Variants in ZNF746 observed in about 807,000 individuals in gnomAD.
The protein encoded by ZNF746 is zinc finger protein 746.
Under a neutral mutation model 41.0 loss-of-function variants are expected in ZNF746, and 13 were observed. That is an observed-to-expected ratio of 0.32 (90% CI 0.21 to 0.50). ZNF746 has a LOEUF of 0.50. Among genes scored for constraint, ZNF746 ranks in the 20% least tolerant of loss-of-function variants. ZNF746 has a pLI of 0.98. For synonymous variants in ZNF746, 424 were observed against 396.2 expected (o/e 1.07, Z -0.83); for missense variants, 811 against 922.9 (o/e 0.88, Z 1.57).
intron 4 of ZNF746, among the ~76,000 whole-genome samples, chr7:149,485,333 T>C (rs146361574): frequency 1.3e-5 from 2 of 152,292 alleles, no homozygotes; most frequent in African/African-American, 4.8e-5. Flanking sequence ...TGGAATGCAA[T>C]TGCAACCATA....
rs781335557 is a variant in ZNF746 at position 149,476,935 on chromosome 7, T to C, written c.870A>G (p.Ala290=). The C allele has an allele frequency of 1.1e-5, 17 of 1,613,916 alleles. No individual in the cohort carries two copies. In the South Asian group the frequency reaches 1.6e-4, roughly 16 times the overall value. Residue 290 remains alanine, a synonymous_variant, in exon 6 of 7, where the codon GCA becomes GCG. Coordinates refer to ENST00000458143, the MANE Select transcript of ZNF746 (RefSeq NM_001394198.1). ...CSDGTLKLNT[A]ASTEADVKIV... is the part of the protein sequence containing the mutation. ...CGCCACCTGTACCTTCCGTGGAGGC[T>C]GCTGTGTTGAGCTTCAGGGTCCCGT...
At chr7:149,488,811 C>CGCT (rs995062379) in intron 4 of ZNF746, 5 of 152,144 alleles carry the variant, frequency 3.3e-5, no homozygotes, top group African/African-American at 1.2e-4. Flanking sequence ...GTGAGGCCAC[C>CGCT]GCTGGGTCTA....
chr7:149,475,994 C>T (rs28668397), intron 6 of ZNF746, among the ~76,000 whole-genome samples: 98,827 of 152,090 alleles, frequency 0.65, 32,384 homozygotes, highest in East Asian at 0.78. Flanking sequence ...ATGGACCCAC[C>T]AGCTAATGAT....
intron 4 of ZNF746, among the ~76,000 whole-genome samples, chr7:149,485,637 T>A (rs1449078350): frequency 2.0e-5 from 3 of 151,986 alleles, no homozygotes. Flanking sequence ...GACTAGTAAA[T>A]CCAAGTACAT....
chr7:149,480,419 G>C (rs926780548), intron 4 of ZNF746, among the ~76,000 whole-genome samples: 1 of 146,592 alleles, frequency 6.8e-6, no homozygotes, highest in African/African-American at 2.5e-5. Context: ...AAAAATAACT[G>C]TTGTTTTGTT....
intron 6 of ZNF746, 87 bp from the exon 7 acceptor site, chr7:149,475,570 C>T (rs1800272112): frequency 6.6e-7 from 1 of 1,522,582 alleles, no homozygotes; most frequent in East Asian, 2.3e-5. Flanking sequence ...TCAGCAGCTG[C>T]CTGGCCAGAC....
Position 149,475,575 on chromosome 7 carries a change from CCAGA to C in ZNF746, c.884-96_884-93del, listed in dbSNP as rs531535535. 2.0e-3 allele frequency: 2,964 copies of C among 1,519,268 alleles called. 4 individuals carry two copies. The highest frequency in any genetic ancestry group is 2.5e-3 in the Non-Finnish European group (2,840 of 1,135,132). 94.1% of individuals were successfully genotyped at this position (1,519,268 alleles called of 1,614,324 possible). A position where few individuals can be genotyped will look rare whatever the true frequency, so the allele number is the denominator to read the frequency against. Reference sequence around the variant, plus strand: ...CATCACCTGCTCAGCAGCTGCCTGGCCAGACAAACTCCACCCAGGCCCTCGTGGC... The same window carrying C: ...CATCACCTGCTCAGCAGCTGCCTGGCCAAACTCCACCCAGGCCCTCGTGGC... On this transcript the variant is annotated intron_variant, in intron 6 of 6. Coordinates refer to ENST00000458143, the MANE Select transcript of ZNF746 (RefSeq NM_001394198.1).
In ZNF746 at chr7:149,474,851, T is replaced by TGCCGCC. The variant is rs989438553; in HGVS notation, c.1510_1515dup (p.Gly504_Gly505dup). The TGCCGCC allele has an allele frequency of 4.2e-6, 6 of 1,430,666 alleles. No homozygotes were observed. The East Asian group carries it at 8.8e-5, about 21-fold the overall frequency. 88.6% of individuals were successfully genotyped at this position (1,430,666 alleles called of 1,614,324 possible). On this transcript the variant is annotated inframe_insertion, in exon 7 of 7. Transcript: ENST00000458143. This position sits in a 1 kb window ranked among gnomAD's most constrained non-coding sequence, Gnocchi z 6.3. ...CCGCCACCGCCGCCGCCACTGCCGC[T>TGCCGCC]GCCGCCACCGCCTGTGCCCGGGCCC...
intron 4 of ZNF746, among the ~76,000 whole-genome samples, chr7:149,478,119 C>T (rs1320876246): frequency 2.1e-5 from 3 of 142,958 alleles, no homozygotes; most frequent in African/African-American, 7.6e-5. Context: ...CCAAAACCTT[C>T]CCCCCTCATA....
chr7:149,481,760 G>A (rs1800492015), intron 4 of ZNF746, among the ~76,000 whole-genome samples: 1 of 151,944 alleles, frequency 6.6e-6, no homozygotes, highest in Non-Finnish European at 1.5e-5. Flanking sequence ...AGTTTGAAAA[G>A]GAAAATACCT....
rs1251053160 is a variant in ZNF746, at chr7:149,475,074, G to A, written c.1293C>T (p.Ser431=). 5.6e-6 allele frequency: 9 copies of A among 1,595,238 alleles called. No homozygotes were observed. Among genetic ancestry groups the A allele is most frequent in the South Asian group, 1.1e-5 (1 of 88,604 alleles). Residue 431 remains serine (S), a synonymous_variant, in exon 7 of 7, where the codon AGC becomes AGT. Transcript: ENST00000458143. ...PDNGEAILDP[S]QAPRPFNEPC... is the part of the protein sequence containing the mutation. ...GTTCGTTGAATGGCCTTGGGGCCTG[G>A]CTGGGGTCCAAGATGGCCTCTCCGT...
rs1289499656 is a variant in ZNF746, at chr7:149,473,891, G to A, written c.*493C>T. The A allele has an allele frequency of 1.1e-5, 2 of 174,542 alleles. No homozygotes were observed. Among genetic ancestry groups the A allele is most frequent in the Admixed American group, 5.4e-5 (1 of 18,510 alleles). The allele number at this position is 174,542 out of a possible 1,614,324, so 10.8% of individuals were successfully genotyped here. On this transcript the variant is annotated 3_prime_UTR_variant, in exon 7 of 7. Coordinates refer to ENST00000458143, the MANE Select transcript of ZNF746 (RefSeq NM_001394198.1). The stretch of plus-strand genomic sequence containing the variant: ...GACCCAATGGCCCTCACTGCCCAGG[G>A]GCTTGGTGCGCTAGGCCCACTCAGC...
At position 149,474,830 on chromosome 7, in the gene ZNF746, CACCGCCGCCGCCACT is replaced by C; in HGVS notation, c.1522_1536del (p.Ser508_Gly512del). 1 of 1,421,326 alleles carries C rather than the reference CACCGCCGCCGCCACT, an allele frequency of 7.0e-7. No individual in the cohort carries two copies. The highest frequency in any genetic ancestry group is 1.5e-5 in the African/African-American group (1 of 65,984). The allele number at this position is 1,421,326 out of a possible 1,614,324, so 88.0% of individuals were successfully genotyped here. ...CGTGCGCTGCCCCCACCGCTGCCGC[CACCGCCGCCGCCACT>C]GCCGCTGCCGCCACCGCCTGTGCCC... On this transcript the variant is annotated inframe_deletion, in exon 7 of 7. Transcript: ENST00000458143. This position sits in a 1 kb window ranked among gnomAD's most constrained non-coding sequence, Gnocchi z 6.3.
At chr7:149,492,285 T>G (rs1202170949) in intron 4 of ZNF746, among the ~76,000 whole-genome samples, 1 of 152,260 alleles carries the variant, frequency 6.6e-6, no homozygotes, top group Non-Finnish European at 1.5e-5. Flanking sequence ...ACCTTTATGA[T>G]GCTCCACTTC....
chr7:149,493,886 T>G, intron 3 of ZNF746, 103 bp downstream of exon 3: 1 of 1,580,140 alleles, frequency 6.3e-7, no homozygotes, highest in Admixed American at 1.7e-5. Flanking sequence ...CAACAATGTT[T>G]CTGGTGATTT....
At chr7:149,487,600 TAAAG>T (rs1459535913) in intron 4 of ZNF746, 2 of 151,986 alleles carry the variant, frequency 1.3e-5, no homozygotes, top group African/African-American at 4.8e-5. Context: ...CAAGAGAATA[TAAAG>T]AAACAAACCA....
chr7:149,487,889 C>G (rs1156955320), intron 4 of ZNF746: 1 of 152,138 alleles, frequency 6.6e-6, no homozygotes, highest in Non-Finnish European at 1.5e-5. Flanking sequence ...ACAGGATTTT[C>G]TTAGGAACTT....
chr7:149,491,624 T>C, intron 4 of ZNF746: 1 of 503,574 alleles, frequency 2.0e-6, no homozygotes, highest in Non-Finnish European at 3.6e-6. Flanking sequence ...GGAACATGCT[T>C]CTGCCCTTAG....
At chr7:149,478,774 A>G (rs1180400682) in intron 4 of ZNF746, among the ~76,000 whole-genome samples, 1 of 152,270 alleles carries the variant, frequency 6.6e-6, no homozygotes, top group African/African-American at 2.4e-5. Context: ...TCAAAGAGAT[A>G]AAGAACAGAA....
Sources: allele counts gnomAD v4.1 joint callset (sites outside exome capture counted in the v4.1 genomes callset), GRCh38; gene constraint gnomAD v4.1.1; non-coding constraint Gnocchi (gnomAD v3.1); transcripts MANE v1.5; gene names NCBI Gene and HGNC (gene_info 2026-07-23, HGNC 2026-07-21).